RTN4IP1: variants seen among roughly 807,000 people sequenced by gnomAD.
RTN4IP1 encodes the protein NAD(P)H oxidoreductase RTN4IP1, mitochondrial.
Under a neutral mutation model 46.6 loss-of-function variants are expected in RTN4IP1, and 32 were observed. That is an observed-to-expected ratio of 0.69 (90% CI 0.52 to 0.92). The LOEUF is 0.92. Ranked by LOEUF, RTN4IP1 falls within the 40% of genes least tolerant of loss-of-function variation. The pLI is 0.00. For missense variants in RTN4IP1, 424 were observed against 485.8 expected, an observed-to-expected ratio of 0.87 and a Z score of 1.20; for synonymous variants, 167 against 161.8, an observed-to-expected ratio of 1.03 and a Z score of -0.24.
intron 7 of RTN4IP1, among the ~76,000 whole-genome samples, chr6:106,585,877 G>GA (rs1440007650): frequency 2.0e-5 from 3 of 152,212 alleles, no homozygotes; most frequent in African/African-American, 7.2e-5. Context: ...AGTACAAACT[G>GA]AAATCTTACA....
chr6:106,590,093 G>A (rs1582867284), intron 6 of RTN4IP1, among the ~76,000 whole-genome samples: 2 of 152,076 alleles, frequency 1.3e-5, no homozygotes, highest in African/African-American at 2.4e-5. Flanking sequence ...CAAGGAAGGC[G>A]GATCACCTGA....
intron 8 of RTN4IP1, among the ~76,000 whole-genome samples, chr6:106,574,729 A>T (rs956164113): frequency 3.9e-5 from 6 of 152,194 alleles, no homozygotes; most frequent in African/African-American, 1.4e-4. Context: ...TGTACCATGC[A>T]CATACCCATC....
At chr6:106,583,262 G>T in intron 8 of RTN4IP1, 66 bp downstream of exon 8, 1 of 1,279,596 alleles carries the variant, frequency 7.8e-7, no homozygotes, top group Non-Finnish European at 1.1e-6. Flanking sequence ...AGGCTCAGTG[G>T]GCAGGTCTAC....
chr6:106,613,677 T>C (rs550334186), intron 4 of RTN4IP1, among the ~76,000 whole-genome samples: 1 of 152,204 alleles, frequency 6.6e-6, no homozygotes, highest in Non-Finnish European at 1.5e-5. Context: ...CAGAGTTCCC[T>C]GAAAATCTAG....
chr6:106,598,364 C>T (rs1335750478), intron 5 of RTN4IP1, among the ~76,000 whole-genome samples: 3 of 151,762 alleles, frequency 2.0e-5, no homozygotes, highest in African/African-American at 7.3e-5. Context: ...CCTGTTGTTT[C>T]CTGACTTTTT....
At chr6:106,599,367 T>C (rs1775885222) in intron 5 of RTN4IP1, among the ~76,000 whole-genome samples, 2 of 151,924 alleles carry the variant, frequency 1.3e-5, no homozygotes, top group South Asian at 4.1e-4. Flanking sequence ...GAATACCACC[T>C]GTGTCCCTAA....
chr6:106,607,006 C>T (rs912786514), intron 4 of RTN4IP1, among the ~76,000 whole-genome samples: 22 of 152,054 alleles, frequency 1.4e-4, no homozygotes, highest in African/African-American at 5.1e-4. Flanking sequence ...AACTATACCA[C>T]AAAGCTACAG....
At chr6:106,583,135 CA>C (rs1775408361) in intron 8 of RTN4IP1, among the ~76,000 whole-genome samples, 192 bp downstream of exon 8, 1 of 152,192 alleles carries the variant, frequency 6.6e-6, no homozygotes, top group African/African-American at 2.4e-5. Context: ...GCAGATGGAG[CA>C]GTCTGTGTCT....
At position 106,626,936 on chromosome 6, in the gene RTN4IP1, A is replaced by C. The variant is rs182691107; in HGVS notation, c.274+1812T>G. 2.6e-5 allele frequency among the ~76,000 whole-genome samples: 4 copies of C among 152,296 alleles called. No homozygotes were observed. The East Asian group carries it at 7.7e-4, about 29-fold the overall frequency. ...ATTTCTTTAGCCATTTCTATGATTTATTATTTTACGTCCAACAGTAGTGGC... is the reference window on the plus strand; with the variant it reads ...ATTTCTTTAGCCATTTCTATGATTTCTTATTTTACGTCCAACAGTAGTGGC... On this transcript the variant is annotated intron_variant, in intron 1 of 8. Coordinates refer to ENST00000369063, the MANE Select transcript of RTN4IP1 (RefSeq NM_032730.5).
upstream of RTN4IP1, among the ~76,000 whole-genome samples, chr6:106,629,979 C>T (rs1776783496): frequency 6.6e-6 from 1 of 150,728 alleles, no homozygotes; most frequent in African/African-American, 2.4e-5. Context: ...AGGTCGGGAT[C>T]CGGATGGTCT....
chr6:106,616,270 T>C (rs565024444), intron 4 of RTN4IP1, among the ~76,000 whole-genome samples: 7 of 152,284 alleles, frequency 4.6e-5, no homozygotes, highest in Non-Finnish European at 1.0e-4. Context: ...CAGTATTATA[T>C]GACATCAAGA....
chr6:106,603,431 T>C (rs1775992473), intron 4 of RTN4IP1, among the ~76,000 whole-genome samples: 1 of 152,198 alleles, frequency 6.6e-6, no homozygotes, highest in East Asian at 1.9e-4. Flanking sequence ...GGCTTCCTGT[T>C]AAAGCAGAGG....
chr6:106,609,057 C>T (rs924443216), intron 4 of RTN4IP1, among the ~76,000 whole-genome samples: 4 of 152,346 alleles, frequency 2.6e-5, no homozygotes, highest in South Asian at 2.1e-4. Flanking sequence ...TAATTACCTG[C>T]TGAGGTCTCC....
chr6:106,590,615 T>C (rs1478447633), intron 6 of RTN4IP1, among the ~76,000 whole-genome samples: 2 of 142,398 alleles, frequency 1.4e-5, no homozygotes, highest in African/African-American at 5.3e-5. Flanking sequence ...CTTGGGGGGC[T>C]GAGGCAGGAA....
chr6:106,613,529 G>A (rs1776280992), intron 4 of RTN4IP1, among the ~76,000 whole-genome samples: 1 of 152,202 alleles, frequency 6.6e-6, no homozygotes, highest in Non-Finnish European at 1.5e-5. Context: ...AATCAGGATT[G>A]TTCATTAAAA....
In RTN4IP1 at chr6:106,622,945, T is replaced by G; in HGVS notation, c.299A>C (p.Asn100Thr). The G allele has an allele frequency of 6.2e-7, 1 of 1,614,206 alleles. No individual in the cohort carries two copies. Among genetic ancestry groups the G allele is most frequent in the South Asian group, 1.1e-5 (1 of 91,084 alleles). Residue 100 changes from asparagine to threonine, a missense_variant, in exon 2 of 9, where the codon AAT (asparagine) becomes ACT (threonine). By Grantham distance (65) the Asn-to-Thr change is moderately conservative (BLOSUM62 0). Transcript: ENST00000369063. ...CACGTGTAAAGGATCACGCTTCATA[T>G]TTAAAGCTGTAGCTCCATAACCACC... is the stretch of plus-strand genomic sequence containing the variant. The part of the protein sequence containing the change: ...MRSGYGATAL[N>T]MKRDPLHVKI...
At chr6:106,622,443 T>C (rs1776506095) in intron 2 of RTN4IP1, among the ~76,000 whole-genome samples, 1 of 152,204 alleles carries the variant, frequency 6.6e-6, no homozygotes. Flanking sequence ...TTACCTTGAG[T>C]TGATAGCAAT....
chr6:106,575,257 C>A (rs563037199), intron 8 of RTN4IP1, among the ~76,000 whole-genome samples: 2 of 152,178 alleles, frequency 1.3e-5, no homozygotes, highest in African/African-American at 2.4e-5. Flanking sequence ...CTTCCCACTG[C>A]GCAGACACAC....
intron 2 of RTN4IP1, 123 bp downstream of exon 2, chr6:106,622,695 A>G: frequency 5.2e-6 from 5 of 957,798 alleles, no homozygotes; most frequent in Non-Finnish European, 7.6e-6. Context: ...AGATTCAGGG[A>G]GCAGAAGCCC....
Sources: gnomAD v4.1 joint callset for allele counts (sites outside exome capture counted in the v4.1 genomes callset) on GRCh38, gnomAD v4.1.1 for gene constraint, MANE v1.5 for transcripts, NCBI Gene and HGNC (gene_info 2026-07-23, HGNC 2026-07-21) for gene names.